NEBL: variants seen among roughly 807,000 people sequenced by gnomAD.
NEBL encodes the protein nebulette, also known as LIM and SH3 protein 2.
A neutral mutation model predicts 140.2 loss-of-function variants in NEBL; 122 were observed. That is an observed-to-expected ratio of 0.87 (90% CI 0.75 to 1.01). NEBL has a LOEUF of 1.01. Ranked by LOEUF, NEBL falls within the 50% of genes least tolerant of loss-of-function variation. The pLI is 0.00. For synonymous variants in NEBL, 436 were observed against 398.9 expected (o/e 1.09, Z -1.11); for missense variants, 1,365 against 1,231.3 (o/e 1.11, Z -1.62).
In NEBL at chr10:20,968,823, G is replaced by T. The variant is rs146850533; in HGVS notation, c.250-7044C>A. ...GATAGATACTCCACATTTCTTTAAA[G>T]GGAGATGGTGAGGGTCGCAATATTT... is the stretch of plus-strand genomic sequence containing the variant. On this transcript the variant is annotated intron_variant, in intron 3 of 6. Coordinates refer to the NEBL transcript ENST00000417816. Among the ~76,000 whole-genome samples, 657 of 152,294 alleles carry T rather than the reference G, an allele frequency of 4.3e-3. 6 individuals are homozygous for T. Among genetic ancestry groups the T allele is most frequent in the African/African-American group, 0.015 (619 of 41,548 alleles).
intron 7 of NEBL, among the ~76,000 whole-genome samples, chr10:20,860,937 T>C (rs1274060877): frequency 6.6e-6 from 1 of 152,166 alleles, no homozygotes; most frequent in African/African-American, 2.4e-5. Flanking sequence ...TATTTTGAGA[T>C]GGTTTACAGG....
At chr10:21,037,616 G>A (rs959389743) in intron 2 of NEBL, among the ~76,000 whole-genome samples, 1 of 152,072 alleles carries the variant, frequency 6.6e-6, no homozygotes, top group African/African-American at 2.4e-5. Context: ...CCTTGATTGT[G>A]GCAGTGGTTA....
intron 2 of NEBL, among the ~76,000 whole-genome samples, chr10:21,161,402 G>A (rs1031879784): frequency 6.6e-6 from 1 of 151,932 alleles, no homozygotes; most frequent in African/African-American, 2.4e-5. Context: ...GTATCATTCA[G>A]ACAGCCAAAA....
At chr10:20,948,026 G>C (rs1422821926) in intron 4 of NEBL, among the ~76,000 whole-genome samples, 1 of 152,178 alleles carries the variant, frequency 6.6e-6, no homozygotes, top group East Asian at 1.9e-4. Context: ...GAAAGTTGAT[G>C]GATTTGTGCT....
chr10:20,874,666 T>C (rs1016105616), intron 5 of NEBL, among the ~76,000 whole-genome samples: 1 of 152,206 alleles, frequency 6.6e-6, no homozygotes, highest in Non-Finnish European at 1.5e-5. Flanking sequence ...ATCTCATTTT[T>C]CACTTGCACT....
rs555559548 is a variant in NEBL at position 20,891,690 on chromosome 10, T to C, written c.154-1741A>G. On this transcript the variant is annotated intron_variant, in intron 2 of 27. Transcript: ENST00000377122. ...CTTAATTGTAGACTCTATTTTTTTT[T>C]CTTGGGTCTTTATTAAAAAGATACA... Among the ~76,000 whole-genome samples, 8 of 152,308 alleles carry C rather than the reference T, an allele frequency of 5.3e-5. No individual in the cohort carries two copies. In the East Asian group the frequency reaches 1.5e-3, roughly 29 times the overall value.
chr10:20,966,076 T>G (rs1836300014), intron 3 of NEBL, among the ~76,000 whole-genome samples: 1 of 152,208 alleles, frequency 6.6e-6, no homozygotes, highest in Non-Finnish European at 1.5e-5. Flanking sequence ...ATGTGAGAAA[T>G]TCATGTAATA....
In NEBL at chr10:21,285,044, G is replaced by C. The variant is rs563163700; in HGVS notation, n.182+7786C>G. On this transcript the variant is annotated intron_variant and non_coding_transcript_variant, in intron 1 of 8. Transcript: ENST00000675702. ...CCACTGCACTCTAGCCTGAGTGACA[G>C]AGCAAAATCCCACCTCTATAAAATA... is the stretch of plus-strand genomic sequence containing the variant. 1.7e-3 allele frequency among the ~76,000 whole-genome samples: 258 copies of C among 152,270 alleles called. 2 individuals carry two copies. Among genetic ancestry groups the C allele is most frequent in the Non-Finnish European group, 2.5e-3 (170 of 68,020 alleles).
Position 20,828,643 on chromosome 10 carries a change from A to G in NEBL, c.1672-9T>C. On this transcript the variant is annotated splice_polypyrimidine_tract_variant and intron_variant, in intron 16 of 27. Transcript: ENST00000377122. ...TCATCTTTATACTTTCTCTAAAAAC[A>G]TAAACAGTTAATATAAATCTGAAAC... The G allele has an allele frequency of 6.7e-7, 1 of 1,503,544 alleles. No individual in the cohort carries two copies. The highest frequency in any genetic ancestry group is 9.2e-7 in the Non-Finnish European group (1 of 1,081,590). The allele number at this position is 1,503,544 out of a possible 1,614,324, so 93.1% of individuals were successfully genotyped here. A position where few individuals can be genotyped will look rare whatever the true frequency, so the allele number is the denominator to read the frequency against.
intron 2 of NEBL, chr10:21,113,356 A>G (rs1440914454): frequency 1.9e-5 from 8 of 415,490 alleles, no homozygotes; most frequent in South Asian, 3.8e-5. Context: ...TGTAGAAGAC[A>G]TTAAAGCAAA....
At chr10:21,139,696 C>A (rs2132092398) in intron 2 of NEBL, among the ~76,000 whole-genome samples, 1 of 152,302 alleles carries the variant, frequency 6.6e-6, no homozygotes, top group South Asian at 2.1e-4. Flanking sequence ...GTAACCTCAA[C>A]CCAACTCCCA....
At chr10:21,001,353 G>A (rs1015841738) in intron 3 of NEBL, among the ~76,000 whole-genome samples, 1 of 152,128 alleles carries the variant, frequency 6.6e-6, no homozygotes, top group African/African-American at 2.4e-5. Flanking sequence ...CTGGGAATCA[G>A]AGAATCCAGG....
intron 2 of NEBL, among the ~76,000 whole-genome samples, chr10:21,151,622 T>TACAA (rs1400556658): frequency 6.6e-6 from 1 of 152,208 alleles, no homozygotes; most frequent in Non-Finnish European, 1.5e-5. Context: ...TGTAATGGTT[T>TACAA]ACAGGCCTTG....
intron 1 of NEBL, among the ~76,000 whole-genome samples, chr10:21,260,650 C>T (rs1188907970): frequency 1.3e-5 from 2 of 152,134 alleles, no homozygotes; most frequent in Non-Finnish European, 2.9e-5. Context: ...CATGATGAAA[C>T]CAGACAGGCA....
intron 2 of NEBL, among the ~76,000 whole-genome samples, chr10:21,047,978 T>C (rs1161963609): frequency 6.6e-6 from 1 of 152,164 alleles, no homozygotes; most frequent in Non-Finnish European, 1.5e-5. Context: ...TTTGTGGGGG[T>C]ACACAGCACC....
intron 4 of NEBL, among the ~76,000 whole-genome samples, chr10:20,931,563 G>A (rs1214092738): frequency 6.6e-6 from 1 of 152,118 alleles, no homozygotes; most frequent in South Asian, 2.1e-4. Context: ...CGCCATGGCT[G>A]TGGCCTGGAA....
chr10:21,241,788 G>A (rs1428144497), intron 3 of NEBL, among the ~76,000 whole-genome samples: 1 of 152,120 alleles, frequency 6.6e-6, no homozygotes, highest in African/African-American at 2.4e-5. Context: ...GCATTAAAGA[G>A]GAATTAAAAG....
chr10:21,126,079 G>A (rs775668904), intron 2 of NEBL: 1 of 1,614,072 alleles, frequency 6.2e-7, no homozygotes, highest in South Asian at 1.1e-5. Flanking sequence ...CAGCTTCCTG[G>A]GAGGCCTCAG....
In NEBL at chr10:20,785,149, A is replaced by G. The variant is rs1835301112; in HGVS notation, c.*598T>C. 1 of 156,502 alleles carries G rather than the reference A, an allele frequency of 6.4e-6. No individual in the cohort carries two copies. Among genetic ancestry groups the G allele is most frequent in the Admixed American group, 6.2e-5 (1 of 16,078 alleles). 9.7% of individuals were successfully genotyped at this position (156,502 alleles called of 1,614,324 possible). On this transcript the variant is annotated 3_prime_UTR_variant, in exon 28 of 28. Coordinates refer to ENST00000377122, the MANE Select transcript of NEBL (RefSeq NM_006393.3). ...ATGCCTTGGTACAAATGAGAAATAA[A>G]TAGATACCAGTCAGCCTAGGGAACA...
Sources: allele counts gnomAD v4.1 joint callset (sites outside exome capture counted in the v4.1 genomes callset), GRCh38; gene constraint gnomAD v4.1.1; transcripts MANE v1.5; gene names NCBI Gene and HGNC (gene_info 2026-07-23, HGNC 2026-07-21).